The following TEC variants were observed in gnomAD, a reference collection of about 807,000 sequenced individuals.
The protein encoded by TEC is tec protein tyrosine kinase.
In TEC, 72 loss-of-function variants were observed where a neutral mutation model predicts 93.0. That is an observed-to-expected ratio of 0.77 (90% confidence interval 0.64 to 0.94). TEC has a LOEUF of 0.94. Among genes scored for constraint, TEC ranks in the 40% least tolerant of loss-of-function variants. TEC has a pLI of 0.00. For missense variants in TEC, 630 were observed against 757.9 expected (o/e 0.83, Z 1.98); for synonymous variants, 249 against 247.7 (o/e 1.01, Z -0.05).
rs188656898 is a variant in TEC, at chr4:48,248,265, G to A, written c.-45-19606C>T. Reference sequence around the variant, plus strand: ...TTCTCATGATTCTGCAGGTCAGTTGGGCTTTCCTGGCCTGGATATCTAGGG... The same window carrying A: ...TTCTCATGATTCTGCAGGTCAGTTGAGCTTTCCTGGCCTGGATATCTAGGG... On this transcript the variant is annotated intron_variant, in intron 1 of 17. Coordinates refer to ENST00000381501, the MANE Select transcript of TEC (RefSeq NM_003215.3). 8.5e-5 allele frequency among the ~76,000 whole-genome samples: 13 copies of A among 152,248 alleles called. No individual in the cohort carries two copies. In the East Asian group the frequency reaches 1.9e-3, roughly 23 times the overall value.
chr4:48,241,629 C>T (rs954409977), intron 1 of TEC, among the ~76,000 whole-genome samples: 2 of 152,178 alleles, frequency 1.3e-5, no homozygotes, highest in African/African-American at 4.8e-5. Context: ...CCCCACTGTG[C>T]ACTAATTCTT....
chr4:48,141,296 T>C lies in TEC; in HGVS notation c.1535+59A>G, dbSNP rs1332683805. 5 of 1,455,624 alleles carry C rather than the reference T, an allele frequency of 3.4e-6. No individual in the cohort carries two copies. The South Asian group carries it at 5.8e-5, about 17-fold the overall frequency. 90.2% of individuals were successfully genotyped at this position (1,455,624 alleles called of 1,614,324 possible). A position where few individuals can be genotyped will look rare whatever the true frequency, so the allele number is the denominator to read the frequency against. On this transcript the variant is annotated intron_variant, in intron 15 of 17. Transcript: ENST00000381501. The stretch of plus-strand genomic sequence containing the variant: ...TCATCAGTGCAAATTATTCCCACAC[T>C]TATTAATTCCACCAAAAAAATGCAA...
intron 2 of TEC, among the ~76,000 whole-genome samples, chr4:48,225,979 T>C (rs1723447703): frequency 1.3e-5 from 2 of 152,234 alleles, no homozygotes; most frequent in East Asian, 3.9e-4. Flanking sequence ...TGGGTTTTTC[T>C]GTGTTGTGAC....
At chr4:48,241,364 C>A (rs923025400) in intron 1 of TEC, among the ~76,000 whole-genome samples, 1 of 152,014 alleles carries the variant, frequency 6.6e-6, no homozygotes, top group African/African-American at 2.4e-5. Flanking sequence ...CCCAAGTAGC[C>A]CTGCTTGATT....
Position 48,156,677 on chromosome 4 carries a change from T to C in TEC, c.792+3A>G, listed in dbSNP as rs760928860. On this transcript the variant is annotated splice_donor_region_variant and intron_variant, in intron 9 of 17. Coordinates refer to ENST00000381501, the MANE Select transcript of TEC (RefSeq NM_003215.3). Reference sequence around the variant, plus strand: ...AGCCAAACCCACAAGTACAAACACTTACTTCACTGCGGAGGAGTTGCTCTG... The same window carrying C: ...AGCCAAACCCACAAGTACAAACACTCACTTCACTGCGGAGGAGTTGCTCTG... The C allele has an allele frequency of 6.2e-7, 1 of 1,610,252 alleles. No homozygotes were observed.
At chr4:48,261,208 G>C (rs12498600) in intron 1 of TEC, among the ~76,000 whole-genome samples, 66,345 of 151,968 alleles carry the variant, frequency 0.44, 14,743 homozygotes, top group Middle Eastern at 0.52. Flanking sequence ...CAAAGACACT[G>C]ACAATCCTTA....
chr4:48,244,851 C>G (rs891708203), intron 1 of TEC, among the ~76,000 whole-genome samples: 1 of 152,120 alleles, frequency 6.6e-6, no homozygotes, highest in African/African-American at 2.4e-5. Flanking sequence ...CATTAGACAG[C>G]TGACTATGAG....
intron 2 of TEC, among the ~76,000 whole-genome samples, chr4:48,202,824 CACTG>C (rs1181460680): frequency 5.3e-5 from 8 of 152,216 alleles, no homozygotes; most frequent in African/African-American, 1.9e-4. Context: ...AGGATTTGAA[CACTG>C]ACTGTCTGAC....
chr4:48,184,761 CA>C (rs143623101), intron 2 of TEC, among the ~76,000 whole-genome samples: 1 of 114,438 alleles, frequency 8.7e-6, no homozygotes, highest in Non-Finnish European at 1.8e-5. Flanking sequence ...ACCAGGCAGA[CA>C]AAAAAAATAC....
rs749171505 is a variant in TEC, at chr4:48,171,348, A to T, written c.325+20T>A. 1.9e-6 allele frequency: 3 copies of T among 1,595,714 alleles called. No individual in the cohort carries two copies. The highest frequency in any genetic ancestry group is 1.7e-6 in the Non-Finnish European group (2 of 1,166,904). ...CATCTCCTAAAATTATATACAGAGTAATATTTCATTGAGTTTTACCTTCTT... is the reference window on the plus strand; with the variant it reads ...CATCTCCTAAAATTATATACAGAGTTATATTTCATTGAGTTTTACCTTCTT... On this transcript the variant is annotated intron_variant, in intron 4 of 17. Transcript: ENST00000381501.
chr4:48,139,096 T>C (rs975758164), intron 15 of TEC, 74 bp from the exon 16 acceptor site: 97 of 1,334,650 alleles, frequency 7.3e-5, no homozygotes, highest in Non-Finnish European at 9.6e-5. Flanking sequence ...TTCATTTTTT[T>C]CCCCTTGCAA....
chr4:48,248,940 T>G (rs1352089001), intron 1 of TEC, among the ~76,000 whole-genome samples: 1 of 151,398 alleles, frequency 6.6e-6, no homozygotes, highest in Non-Finnish European at 1.5e-5. Flanking sequence ...TACTACACAC[T>G]GAAAACCAGA....
At chr4:48,183,312 A>G (rs1721671317) in intron 2 of TEC, among the ~76,000 whole-genome samples, 1 of 152,238 alleles carries the variant, frequency 6.6e-6, no homozygotes, top group Admixed American at 6.5e-5. Context: ...TGTCTGACAC[A>G]TGGAACTCTG....
intron 1 of TEC, among the ~76,000 whole-genome samples, chr4:48,244,699 A>AT (rs1724009077): frequency 6.6e-6 from 1 of 152,266 alleles, no homozygotes; most frequent in Admixed American, 6.5e-5. Flanking sequence ...GGGATATAAC[A>AT]TTCCACATGG....
intron 8 of TEC, among the ~76,000 whole-genome samples, chr4:48,161,713 T>C (rs182221985): frequency 1.3e-5 from 2 of 151,812 alleles, no homozygotes; most frequent in African/African-American, 4.8e-5. Flanking sequence ...GGTGTGTCCA[T>C]GACGGTGTTG....
chr4:48,256,841 TAG>T (rs1208619663), intron 1 of TEC, among the ~76,000 whole-genome samples: 2 of 152,098 alleles, frequency 1.3e-5, no homozygotes, highest in African/African-American at 4.8e-5. Flanking sequence ...GGGATGGGGA[TAG>T]AGTGTCTAGG....
At chr4:48,181,288 C>T (rs1047146242) in intron 2 of TEC, among the ~76,000 whole-genome samples, 1 of 152,140 alleles carries the variant, frequency 6.6e-6, no homozygotes, top group African/African-American at 2.4e-5. Flanking sequence ...GACAATTCTG[C>T]TTTTCACAAC....
At chr4:48,183,187 C>T (rs1721665557) in intron 2 of TEC, among the ~76,000 whole-genome samples, 1 of 152,206 alleles carries the variant, frequency 6.6e-6, no homozygotes, top group South Asian at 2.1e-4. Flanking sequence ...CGACCTAGGG[C>T]AATCCCAGTT....
chr4:48,230,608 T>G (rs17471308), intron 1 of TEC, among the ~76,000 whole-genome samples: 24,238 of 152,178 alleles, frequency 0.16, 2,145 homozygotes, highest in Non-Finnish European at 0.2. Context: ...TCTTCAAAGA[T>G]TCAGCATTGC....
Sources: gnomAD v4.1 joint callset for allele counts (sites outside exome capture counted in the v4.1 genomes callset) on GRCh38, gnomAD v4.1.1 for gene constraint, MANE v1.5 for transcripts, NCBI Gene and HGNC (gene_info 2026-07-23, HGNC 2026-07-21) for gene names.